The following MASP1 variants were observed in gnomAD, a reference collection of about 807,000 sequenced individuals.
MASP1 encodes MBL associated serine protease 1, also known as mannan-binding lectin serine protease 1.
In MASP1, 59 loss-of-function variants were observed where a neutral mutation model predicts 77.1. The observed-to-expected ratio is 0.77, with a 90% CI of 0.62 to 0.95. MASP1 has a LOEUF of 0.95. MASP1 is among the 40% of genes least tolerant of loss of function. The pLI, the probability that MASP1 is intolerant of heterozygous loss-of-function variation, is 0.00. For synonymous variants in MASP1, 362 were observed against 354.5 expected, an observed-to-expected ratio of 1.02 and a Z score of -0.24; for missense variants, 885 against 912.9, an observed-to-expected ratio of 0.97 and a Z score of 0.39.
intron 6 of MASP1, among the ~76,000 whole-genome samples, chr3:187,252,219 T>G (rs1010517184): frequency 6.6e-6 from 1 of 152,162 alleles, no homozygotes; most frequent in African/African-American, 2.4e-5. Context: ...GACAGGGAGC[T>G]CAATGCCTCC....
At chr3:187,246,410 A>G (rs1006751837) in intron 8 of MASP1, 34 of 985,314 alleles carry the variant, frequency 3.5e-5, no homozygotes, top group Non-Finnish European at 3.5e-5. Flanking sequence ...TAGCCAGCCC[A>G]TCTCTTCTTT....
At chr3:187,275,511 C>T (rs187750909) in intron 2 of MASP1, among the ~76,000 whole-genome samples, 184 of 152,202 alleles carry the variant, frequency 1.2e-3, no homozygotes, top group Non-Finnish European at 9.6e-4. Flanking sequence ...GTGCTGGAGC[C>T]GGCAGCTCAC....
chr3:187,276,379 C>T (rs924246436), intron 2 of MASP1, among the ~76,000 whole-genome samples: 1 of 152,238 alleles, frequency 6.6e-6, no homozygotes, highest in African/African-American at 2.4e-5. Context: ...CTGCTGTACC[C>T]TAAGCTCTAA....
chr3:187,234,019 T>C, downstream of MASP1: 1 of 1,149,804 alleles, frequency 8.7e-7, no homozygotes, highest in Non-Finnish European at 1.1e-6. Context: ...CCAATTTCTT[T>C]TCAAAAAAGT....
Position 187,234,715 on chromosome 3 carries a change from T to G in MASP1, c.*969A>C, listed in dbSNP as rs189655064. 1.7e-4 allele frequency: 224 copies of G among 1,287,254 alleles called. 3 individuals carry two copies. The African/African-American group carries it at 2.0e-3, about 12-fold the overall frequency. The allele number at this position is 1,287,254 out of a possible 1,614,324, so 79.7% of individuals were successfully genotyped here. On this transcript the variant is annotated 3_prime_UTR_variant, in exon 11 of 11. Coordinates refer to ENST00000296280, the MANE Select transcript of MASP1 (RefSeq NM_139125.4). ...ACTTCTAATGTGCCCACCCCACTCT[T>G]TCTTCCATTTTCCTGCCCAAAAGCA... is the stretch of plus-strand genomic sequence containing the variant.
chr3:187,258,555 C>T (rs1345215321), intron 4 of MASP1, among the ~76,000 whole-genome samples: 2 of 152,236 alleles, frequency 1.3e-5, no homozygotes, highest in African/African-American at 4.8e-5. Context: ...AACCCCTCCT[C>T]CTTTTAAGTG....
intron 13 of MASP1, among the ~76,000 whole-genome samples, chr3:187,224,416 G>T (rs534053229): frequency 2.1e-5 from 3 of 144,546 alleles, no homozygotes; most frequent in Non-Finnish European, 3.0e-5. Context: ...GCGGGATCTC[G>T]GCTCACTGCA....
In MASP1 at chr3:187,279,432, G is replaced by A. The variant is rs527831230; in HGVS notation, c.237+6393C>T. ...GAAATGCAGATTGTTGTGTGAGATCGGAAATTTTATGTTGTCATAATTCTT... is the reference window on the plus strand; with the variant it reads ...GAAATGCAGATTGTTGTGTGAGATCAGAAATTTTATGTTGTCATAATTCTT... On this transcript the variant is annotated intron_variant, in intron 2 of 10. Coordinates refer to ENST00000296280, the MANE Select transcript of MASP1 (RefSeq NM_139125.4). Among the ~76,000 whole-genome samples, 4 of 145,710 alleles carry A rather than the reference G, an allele frequency of 2.7e-5. No individual in the cohort carries two copies. The South Asian group carries it at 6.8e-4, about 25-fold the overall frequency.
intron 7 of MASP1, 160 bp downstream of exon 7, chr3:187,251,474 T>A (rs1336609969): frequency 2.9e-6 from 2 of 681,988 alleles, no homozygotes; most frequent in African/African-American, 3.6e-5. Flanking sequence ...CTGGGACGCA[T>A]GCTTTGGAAT....
intron 2 of MASP1, among the ~76,000 whole-genome samples, chr3:187,279,481 A>G (rs2108598780): frequency 6.6e-6 from 1 of 152,286 alleles, no homozygotes; most frequent in Middle Eastern, 3.4e-3. Flanking sequence ...CCCCCAAATC[A>G]TAGTATAAGT....
At chr3:187,251,313 C>G (rs1262652691) in intron 7 of MASP1, 6 of 325,420 alleles carry the variant, frequency 1.8e-5, no homozygotes, top group African/African-American at 1.3e-4. Flanking sequence ...CACTCCACTC[C>G]CCTCTATAAG....
chr3:187,219,925 A>ACC, exon 16 of MASP1: 1 of 785,072 alleles, frequency 1.3e-6, no homozygotes. Flanking sequence ...AAAGGGGGTG[A>ACC]AGATACCTGC....
intron 2 of MASP1, among the ~76,000 whole-genome samples, chr3:187,271,723 G>A (rs1252463465): frequency 6.6e-6 from 1 of 152,026 alleles, no homozygotes; most frequent in African/African-American, 2.4e-5. Flanking sequence ...CCACCCCATG[G>A]TATAAAATTG....
At chr3:187,226,632 T>A in intron 11 of MASP1, 1 of 735,660 alleles carries the variant, frequency 1.4e-6, no homozygotes, top group Non-Finnish European at 2.4e-6. Context: ...ACCTTGAAAA[T>A]GGCCATGCTT....
At chr3:187,286,101 C>G in intron 1 of MASP1, 45 bp from the exon 2 acceptor site, 1 of 1,448,466 alleles carries the variant, frequency 6.9e-7, no homozygotes, top group Non-Finnish European at 9.7e-7. Context: ...TAAACACAGG[C>G]CCCTGCCATT....
At chr3:187,223,576 C>T (rs1207473355) in intron 13 of MASP1, among the ~76,000 whole-genome samples, 1 of 152,176 alleles carries the variant, frequency 6.6e-6, no homozygotes, top group African/African-American at 2.4e-5. Context: ...AAAAGCCCAG[C>T]CTAGTCCACT....
chr3:187,284,280 G>T (rs1300985566), intron 2 of MASP1, among the ~76,000 whole-genome samples: 1 of 152,044 alleles, frequency 6.6e-6, no homozygotes. Context: ...TTCTAAGAGG[G>T]CATCATCCCA....
At chr3:187,266,171 T>A (rs1019008542) in intron 2 of MASP1, among the ~76,000 whole-genome samples, 1 of 152,242 alleles carries the variant, frequency 6.6e-6, no homozygotes. Flanking sequence ...TGGGCGACTA[T>A]GTCCTTAGAG....
At chr3:187,252,911 T>C (rs953432357) in intron 6 of MASP1, among the ~76,000 whole-genome samples, 2 of 152,194 alleles carry the variant, frequency 1.3e-5, no homozygotes, top group Non-Finnish European at 2.9e-5. Context: ...TTTTCTTTAA[T>C]CTCTCTATGC....
Sources: allele counts gnomAD v4.1 joint callset (sites outside exome capture counted in the v4.1 genomes callset), GRCh38; gene constraint gnomAD v4.1.1; transcripts MANE v1.5; gene names NCBI Gene and HGNC (gene_info 2026-07-23, HGNC 2026-07-21).